TNR: variants seen among roughly 807,000 people sequenced by gnomAD.
TNR encodes the protein tenascin R.
In TNR, 45 loss-of-function variants were observed where a neutral mutation model predicts 150.4. That is an observed-to-expected ratio of 0.30 (90% CI 0.24 to 0.38). The LOEUF (loss-of-function observed/expected upper bound fraction) is 0.38. TNR is among the 10% of genes least tolerant of loss of function. The probability of loss-of-function intolerance (pLI) is 1.00; values close to 1 mark genes in which losing one functional copy is unlikely to be tolerated. For synonymous variants in TNR, 687 were observed against 678.4 expected (o/e 1.01, Z -0.20); for missense variants, 1,544 against 1,759.1 (o/e 0.88, Z 2.19).
intron 2 of TNR, among the ~76,000 whole-genome samples, chr1:175,442,454 T>G (rs1464118049): frequency 6.7e-6 from 1 of 148,842 alleles, no homozygotes; most frequent in African/African-American, 2.6e-5. Flanking sequence ...AGCATTTATG[T>G]TCAATCCTAG....
chr1:175,379,761 A>G, intron 8 of TNR, 24 bp from the exon 9 acceptor site: 1 of 1,612,016 alleles, frequency 6.2e-7, no homozygotes, highest in Non-Finnish European at 8.5e-7. Flanking sequence ...GACATCACCA[A>G]CATCGCACAT....
At chr1:175,729,208 A>G (rs1294219033) in intron 1 of TNR, among the ~76,000 whole-genome samples, 2 of 152,086 alleles carry the variant, frequency 1.3e-5, no homozygotes, top group Admixed American at 1.3e-4. Flanking sequence ...TTAGGTGCTC[A>G]GCCACAGTAT....
At chr1:175,679,960 C>T (rs1228134689) in intron 1 of TNR, among the ~76,000 whole-genome samples, 1 of 152,082 alleles carries the variant, frequency 6.6e-6, no homozygotes, top group African/African-American at 2.4e-5. Context: ...CTGCTGAGGG[C>T]CTCGAGGGAA....
At chr1:175,578,013 G>T (rs749689674) in intron 1 of TNR, among the ~76,000 whole-genome samples, 1 of 152,158 alleles carries the variant, frequency 6.6e-6, no homozygotes, top group African/African-American at 2.4e-5. Context: ...TTGAAAAGTT[G>T]TTGAAAGCAG....
intron 1 of TNR, among the ~76,000 whole-genome samples, chr1:175,604,926 C>T (rs1456846843): frequency 6.6e-6 from 1 of 152,122 alleles, no homozygotes; most frequent in Non-Finnish European, 1.5e-5. Context: ...GAGTTTATAT[C>T]CTAGAGGAGA....
chr1:175,588,667 G>C (rs1662673583), intron 1 of TNR, among the ~76,000 whole-genome samples: 1 of 152,070 alleles, frequency 6.6e-6, no homozygotes, highest in African/African-American at 2.4e-5. Flanking sequence ...TCCCATCAGT[G>C]GCCCCTGAGA....
Position 175,356,380 on chromosome 1 carries a change from G to A in TNR, c.3057C>T (p.Ala1019=), listed in dbSNP as rs148153913. 2,617 of 1,613,902 alleles carry A rather than the reference G, an allele frequency of 1.6e-3. 6 individuals are homozygous for A. Among genetic ancestry groups the A allele is most frequent in the Admixed American group, 2.7e-3 (159 of 59,988 alleles). The change falls in exon 16 of 23, where the codon GCC becomes GCT. Residue 1019 remains alanine (A), a synonymous_variant. Coordinates refer to ENST00000367674, the MANE Select transcript of TNR (RefSeq NM_003285.3). The stretch of plus-strand genomic sequence containing the variant: ...GAGGTCCATTGGTGGCATACATGGT[G>A]GCAGTATAGTGGGTGCTAGGAAGCA... ...VDLLPSTHYT[A]TMYATNGPLT...
intron 1 of TNR, among the ~76,000 whole-genome samples, chr1:175,731,154 TTC>T (rs1228811123): frequency 6.6e-6 from 1 of 152,202 alleles, no homozygotes; most frequent in Non-Finnish European, 1.5e-5. Flanking sequence ...ATGAAGCTGG[TTC>T]TGTCTTCTGG....
rs1571333406 is a variant in TNR at position 175,357,598 on chromosome 1, C to T, written c.2975-1136G>A. ...TCAGACTTCTTACACTCTCACATCT[C>T]TGCAAATGCCCACAGTCTGCTCTTT... is the stretch of plus-strand genomic sequence containing the variant. On this transcript the variant is annotated intron_variant, in intron 15 of 22. Coordinates refer to ENST00000367674, the MANE Select transcript of TNR (RefSeq NM_003285.3). Among the ~76,000 whole-genome samples, 3 of 152,352 alleles carry T rather than the reference C, an allele frequency of 2.0e-5. No homozygotes were observed. In the East Asian group the frequency reaches 5.8e-4, roughly 29 times the overall value.
In TNR at chr1:175,517,012, TGAGAGAGAGAGAGAGAGAGAGA is replaced by T. The variant is rs58416273; in HGVS notation, c.-64+11235_-64+11256del. ...AGCACAAATTAGTACATCTGAAAGC[TGAGAGAGAGAGAGAGAGAGAGA>T]GAGAGAGAGAGAGAGAGAGAGAGAA... On this transcript the variant is annotated intron_variant, in intron 2 of 22. Coordinates refer to ENST00000367674, the MANE Select transcript of TNR (RefSeq NM_003285.3). Among the ~76,000 whole-genome samples, 8 of 120,450 alleles carry T rather than the reference TGAGAGAGAGAGAGAGAGAGAGA, an allele frequency of 6.6e-5. No individual in the cohort carries two copies. In the East Asian group the frequency reaches 1.2e-3, roughly 18 times the overall value. The allele number at this position is 120,450 out of a possible 152,430, so 79.0% of individuals were successfully genotyped here.
intron 1 of TNR, among the ~76,000 whole-genome samples, chr1:175,551,079 G>A (rs1660918657): frequency 6.6e-6 from 1 of 152,140 alleles, no homozygotes; most frequent in African/African-American, 2.4e-5. Context: ...GAAAATGGTT[G>A]AGTGAAAATT....
Position 175,365,239 on chromosome 1 carries a change from G to A in TNR, c.2358C>T (p.Thr786=). Residue 786 remains threonine (T), a synonymous_variant, in exon 12 of 23, where the codon ACC becomes ACT. Coordinates refer to ENST00000367674, the MANE Select transcript of TNR (RefSeq NM_003285.3). ...TCCAAGTGATGTTCACACTGGAGGAGGTCACATGAGAAAAGTGCAGATGAG... is the reference window on the plus strand; with the variant it reads ...TCCAAGTGATGTTCACACTGGAGGAAGTCACATGAGAAAAGTGCAGATGAG... ...PISHLHFSHV[T]SSSVNITWSD... is the part of the protein sequence containing the mutation. 6.2e-7 allele frequency: 1 copy of A among 1,613,454 alleles called. No individual in the cohort carries two copies. Among genetic ancestry groups the A allele is most frequent in the Non-Finnish European group, 8.5e-7 (1 of 1,179,578 alleles).
intron 3 of TNR, 142 bp from the exon 4 acceptor site, chr1:175,403,758 A>G (rs1376426947): frequency 8.5e-6 from 6 of 705,722 alleles, no homozygotes; most frequent in Non-Finnish European, 1.4e-5. Context: ...AGTTTGGTAC[A>G]TATTCAATTT....
At chr1:175,522,614 G>A (rs1659684647) in intron 2 of TNR, among the ~76,000 whole-genome samples, 1 of 152,084 alleles carries the variant, frequency 6.6e-6, no homozygotes, top group Non-Finnish European at 1.5e-5. Flanking sequence ...ACAATCTGTA[G>A]GCAAAACAAT....
intron 1 of TNR, among the ~76,000 whole-genome samples, chr1:175,546,049 C>T (rs1179964259): frequency 6.6e-6 from 1 of 152,200 alleles, no homozygotes; most frequent in Non-Finnish European, 1.5e-5. Flanking sequence ...GGTTTGTTCA[C>T]AGCCTCCCCT....
At chr1:175,519,606 C>T (rs1659553106) in intron 2 of TNR, among the ~76,000 whole-genome samples, 1 of 152,196 alleles carries the variant, frequency 6.6e-6, no homozygotes, top group Non-Finnish European at 1.5e-5. Context: ...GCCATTATCA[C>T]AATAATTATC....
At chr1:175,602,203 C>CAAAAAAA (rs57341654) in intron 1 of TNR, among the ~76,000 whole-genome samples, 39 of 30,550 alleles carry the variant, frequency 1.3e-3, no homozygotes, top group Non-Finnish European at 1.5e-3. Context: ...GGACCAAAGG[C>CAAAAAAA]AAAAAAAAAA....
intron 8 of TNR, among the ~76,000 whole-genome samples, chr1:175,384,931 G>A (rs1299532805): frequency 3.3e-5 from 5 of 152,142 alleles, no homozygotes; most frequent in Non-Finnish European, 5.9e-5. Context: ...GAACACAGGG[G>A]TGTTATTTAT....
Position 175,689,554 on chromosome 1 carries a change from T to C in TNR, c.-165+53672A>G, listed in dbSNP as rs57848952. ...TTGAATGCGTGTCTTCCTGGGGTGATAGAGAATCAATTGGCTTGATGCAAC... is the reference window on the plus strand; with the variant it reads ...TTGAATGCGTGTCTTCCTGGGGTGACAGAGAATCAATTGGCTTGATGCAAC... On this transcript the variant is annotated intron_variant, in intron 1 of 22. Transcript: ENST00000367674. Among the ~76,000 whole-genome samples the C allele has an allele frequency of 7.1e-3, 1,078 of 152,224 alleles. 14 individuals are homozygous for C. Among genetic ancestry groups the C allele is most frequent in the African/African-American group, 0.025 (1,022 of 41,530 alleles).
Sources: gnomAD v4.1 joint callset for allele counts (sites outside exome capture counted in the v4.1 genomes callset) on GRCh38, gnomAD v4.1.1 for gene constraint, MANE v1.5 for transcripts, NCBI Gene and HGNC (gene_info 2026-07-23, HGNC 2026-07-21) for gene names.